The following MYO10 variants were observed in gnomAD, a reference collection of about 807,000 sequenced individuals.
MYO10 encodes the protein unconventional myosin-X.
MYO10 carries 133 observed loss-of-function variants against 257.3 expected under a neutral mutation model. That is an observed-to-expected ratio of 0.52 (90% CI 0.45 to 0.60). The LOEUF (loss-of-function observed/expected upper bound fraction) is 0.60, where lower values mean the gene tolerates loss of function less well. Ranked by LOEUF, MYO10 falls within the 20% of genes least tolerant of loss-of-function variation. The pLI is 0.00. For missense variants in MYO10, 2,399 were observed against 2,635.7 expected (o/e 0.91, Z 1.97); for synonymous variants, 1,104 against 1,028.6 (o/e 1.07, Z -1.40).
intron 2 of MYO10, among the ~76,000 whole-genome samples, chr5:16,856,551 A>C (rs1743965375): frequency 1.3e-5 from 2 of 148,512 alleles, no homozygotes; most frequent in Non-Finnish European, 3.0e-5. Flanking sequence ...CTGTGTCTCA[A>C]AAAAAAAAAA....
intron 2 of MYO10, among the ~76,000 whole-genome samples, chr5:16,842,360 A>G (rs1365032971): frequency 1.3e-5 from 2 of 152,158 alleles, no homozygotes; most frequent in Admixed American, 1.3e-4. Flanking sequence ...GCAGAAGGGG[A>G]AACTGATCCC....
At chr5:16,879,117 A>G (rs1744690643) in intron 1 of MYO10, among the ~76,000 whole-genome samples, 1 of 152,208 alleles carries the variant, frequency 6.6e-6, no homozygotes, top group African/African-American at 2.4e-5. Flanking sequence ...CAAAAATGAC[A>G]CCAAGCACAT....
At chr5:16,828,119 T>C (rs932186948) in intron 2 of MYO10, among the ~76,000 whole-genome samples, 1 of 152,116 alleles carries the variant, frequency 6.6e-6, no homozygotes, top group African/African-American at 2.4e-5. Context: ...GTAAAGGCAT[T>C]AGTATCTCCG....
At chr5:16,739,265 C>T (rs1345817025) in intron 19 of MYO10, among the ~76,000 whole-genome samples, 2 of 149,472 alleles carry the variant, frequency 1.3e-5, no homozygotes, top group African/African-American at 4.9e-5. Flanking sequence ...TCATTTTAAA[C>T]TTCATTTATT....
chr5:16,823,831 C>T (rs528249970), intron 2 of MYO10, among the ~76,000 whole-genome samples: 2 of 151,992 alleles, frequency 1.3e-5, no homozygotes, highest in African/African-American at 4.8e-5. Flanking sequence ...AAACAAGGGC[C>T]ACAATACTGT....
intron 26 of MYO10, among the ~76,000 whole-genome samples, chr5:16,694,823 A>G (rs1737663733): frequency 1.3e-5 from 2 of 152,216 alleles, no homozygotes; most frequent in Non-Finnish European, 2.9e-5. Flanking sequence ...TGGATTATAC[A>G]AGAATCCTTC....
At chr5:16,854,047 T>A (rs1362783862) in intron 2 of MYO10, 1 of 152,172 alleles carries the variant, frequency 6.6e-6, no homozygotes, top group African/African-American at 2.4e-5. Flanking sequence ...CTCGTGAAGC[T>A]AAGCAGGGTA....
chr5:16,694,852 C>A (rs1179751642), intron 26 of MYO10, among the ~76,000 whole-genome samples: 1 of 152,186 alleles, frequency 6.6e-6, no homozygotes, highest in East Asian at 1.9e-4. Context: ...GGAGTTCCTG[C>A]TCACTTAGCT....
chr5:16,662,235 AG>A lies in MYO10; in HGVS notation c.*4456del, dbSNP rs1318963293. 3 of 151,178 alleles carry A rather than the reference AG, an allele frequency of 2.0e-5. No homozygotes were observed. The highest frequency in any genetic ancestry group is 4.4e-5 in the Non-Finnish European group (3 of 67,828). The allele number at this position is 151,178 out of a possible 1,614,324, so 9.4% of individuals were successfully genotyped here. A position where few individuals can be genotyped will look rare whatever the true frequency, so the allele number is the denominator to read the frequency against. On this transcript the variant is annotated 3_prime_UTR_variant, in exon 41 of 41. Coordinates refer to ENST00000513610, the MANE Select transcript of MYO10 (RefSeq NM_012334.3). ...CACAAATACAGAACTTTACTATAGC[AG>A]ATTTTTGACCCCAATTTAGTGTGCT...
chr5:16,730,827 AAGAC>A lies in MYO10; in HGVS notation c.1930-19586_1930-19583del, dbSNP rs528026585. Among the ~76,000 whole-genome samples, 582 of 152,304 alleles carry A rather than the reference AAGAC, an allele frequency of 3.8e-3. 2 individuals are homozygous for A. The highest frequency in any genetic ancestry group is 0.013 in the African/African-American group (536 of 41,560). The stretch of plus-strand genomic sequence containing the variant: ...ATAGAGAGGATCTGACAAAGGCAGA[AAGAC>A]AGGGATGCAGCACGCTGCGGAGGAT... On this transcript the variant is annotated intron_variant, in intron 19 of 40. Transcript: ENST00000513610.
At chr5:16,849,791 T>C (rs1743746761) in intron 2 of MYO10, among the ~76,000 whole-genome samples, 1 of 152,232 alleles carries the variant, frequency 6.6e-6, no homozygotes, top group Non-Finnish European at 1.5e-5. Flanking sequence ...TATTTTGTTC[T>C]TTCCCAACTT....
chr5:16,859,080 G>C (rs1258159493), intron 2 of MYO10, among the ~76,000 whole-genome samples: 1 of 152,218 alleles, frequency 6.6e-6, no homozygotes, highest in African/African-American at 2.4e-5. Flanking sequence ...CCAGCCCACA[G>C]TGGGGTCTTT....
At chr5:16,740,579 C>T (rs1017992647) in intron 19 of MYO10, among the ~76,000 whole-genome samples, 7 of 152,066 alleles carry the variant, frequency 4.6e-5, no homozygotes, top group African/African-American at 1.7e-4. Flanking sequence ...GGAAGCCGAC[C>T]GACTGGGGTC....
intron 2 of MYO10, among the ~76,000 whole-genome samples, chr5:16,845,385 G>A (rs763165396): frequency 6.6e-6 from 1 of 152,102 alleles, no homozygotes; most frequent in Non-Finnish European, 1.5e-5. Context: ...TGTCTTTTAG[G>A]CTGGGTGCAG....
At chr5:16,868,549 A>G (rs994922743) in intron 2 of MYO10, among the ~76,000 whole-genome samples, 33 of 152,248 alleles carry the variant, frequency 2.2e-4, no homozygotes, top group African/African-American at 7.7e-4. Context: ...GGTTTGCAGC[A>G]AGCCAAGATC....
intron 19 of MYO10, among the ~76,000 whole-genome samples, chr5:16,748,218 C>T (rs1371774137): frequency 2.0e-5 from 3 of 152,010 alleles, no homozygotes; most frequent in African/African-American, 7.2e-5. Flanking sequence ...TACAGGTGTA[C>T]ACTACCACTC....
chr5:16,753,892 T>C (rs187193733), intron 19 of MYO10, among the ~76,000 whole-genome samples: 1 of 152,342 alleles, frequency 6.6e-6, no homozygotes, highest in African/African-American at 2.4e-5. Context: ...ATTACCAGAA[T>C]ATAATAAACC....
chr5:16,711,422 C>T (rs1738613420), intron 19 of MYO10, among the ~76,000 whole-genome samples, 177 bp from the exon 20 acceptor site: 1 of 152,200 alleles, frequency 6.6e-6, no homozygotes. Context: ...CATCACCTCG[C>T]CTTAACAACC....
At chr5:16,703,986 G>T (rs541603762) in intron 22 of MYO10, among the ~76,000 whole-genome samples, 2 of 151,308 alleles carry the variant, frequency 1.3e-5, no homozygotes, top group South Asian at 2.1e-4. Context: ...CAGCCAGGCC[G>T]CTGTGGCTTC....
Sources: gnomAD v4.1 joint callset for allele counts (sites outside exome capture counted in the v4.1 genomes callset) on GRCh38, gnomAD v4.1.1 for gene constraint, MANE v1.5 for transcripts, NCBI Gene and HGNC (gene_info 2026-07-23, HGNC 2026-07-21) for gene names.